TACR1: variants seen among roughly 807,000 people sequenced by gnomAD.
TACR1 encodes the protein tachykinin receptor 1.
In TACR1, 25 loss-of-function variants were observed where a neutral mutation model predicts 35.8. The ratio of observed to expected loss-of-function variants is 0.70; its 90% CI spans 0.51 to 0.98. The LOEUF (loss-of-function observed/expected upper bound fraction) is 0.98, where lower values mean the gene tolerates loss of function less well. TACR1 is among the 50% of genes least tolerant of loss of function. TACR1 has a pLI of 0.00. For synonymous variants in TACR1, 195 were observed against 206.7 expected (o/e 0.94, Z 0.48); for missense variants, 478 against 522.9 (o/e 0.91, Z 0.84).
At chr2:75,190,146 T>C (rs1675807526) in intron 1 of TACR1, among the ~76,000 whole-genome samples, 1 of 152,212 alleles carries the variant, frequency 6.6e-6, no homozygotes, top group Non-Finnish European at 1.5e-5. Flanking sequence ...TTCAACAAAT[T>C]GAATATCAAT....
intron 2 of TACR1, among the ~76,000 whole-genome samples, chr2:75,099,639 G>A (rs976896501): frequency 2.6e-5 from 4 of 152,156 alleles, no homozygotes; most frequent in African/African-American, 9.7e-5. Flanking sequence ...GGTTTGCGCG[G>A]CCAGGTTGAC....
intron 1 of TACR1, among the ~76,000 whole-genome samples, chr2:75,127,956 T>C (rs1674106774): frequency 6.6e-6 from 1 of 152,224 alleles, no homozygotes; most frequent in African/African-American, 2.4e-5. Context: ...TCCTGTTAGC[T>C]GTCCTCCCTT....
intron 2 of TACR1, among the ~76,000 whole-genome samples, chr2:75,113,909 A>G (rs1006278790): frequency 1.3e-5 from 2 of 152,138 alleles, no homozygotes; most frequent in Non-Finnish European, 2.9e-5. Context: ...ATATTTTTAA[A>G]TATTCCTCTC....
At chr2:75,141,378 T>C (rs1674398666) in intron 1 of TACR1, among the ~76,000 whole-genome samples, 1 of 152,136 alleles carries the variant, frequency 6.6e-6, no homozygotes, top group South Asian at 2.1e-4. Context: ...ATGAAACCGC[T>C]TTACAACACT....
At chr2:75,084,878 G>C (rs1161535351) in intron 2 of TACR1, among the ~76,000 whole-genome samples, 1 of 151,968 alleles carries the variant, frequency 6.6e-6, no homozygotes, top group Non-Finnish European at 1.5e-5. Context: ...CAGAAAATTA[G>C]CTCCTGGATT....
chr2:75,180,799 T>A (rs1675542784), intron 1 of TACR1, among the ~76,000 whole-genome samples: 2 of 152,228 alleles, frequency 1.3e-5, no homozygotes, highest in African/African-American at 4.8e-5. Flanking sequence ...TAAATAATAG[T>A]TCATTGTATA....
intron 2 of TACR1, among the ~76,000 whole-genome samples, chr2:75,104,630 T>A (rs186957738): frequency 6.6e-6 from 1 of 152,178 alleles, no homozygotes; most frequent in East Asian, 1.9e-4. Flanking sequence ...ACAGATAACA[T>A]GTTAGGATGT....
intron 1 of TACR1, among the ~76,000 whole-genome samples, chr2:75,150,029 T>G (rs1052422951): frequency 8.5e-5 from 13 of 152,234 alleles, no homozygotes; most frequent in African/African-American, 3.1e-4. Context: ...TCCGTTTATG[T>G]GATGGATTAT....
intron 1 of TACR1, among the ~76,000 whole-genome samples, chr2:75,158,156 A>G (rs1674909828): frequency 6.6e-6 from 1 of 152,242 alleles, no homozygotes; most frequent in Admixed American, 6.5e-5. Flanking sequence ...AACACTTTTT[A>G]CTATCTTTGG....
intron 2 of TACR1, among the ~76,000 whole-genome samples, chr2:75,067,155 A>G (rs1487412127): frequency 3.9e-5 from 6 of 152,094 alleles, no homozygotes; most frequent in African/African-American, 9.7e-5. Context: ...TTTGATAGGT[A>G]TTGTGGTGGA....
At chr2:75,168,687 A>C (rs1400855664) in intron 1 of TACR1, among the ~76,000 whole-genome samples, 1 of 152,234 alleles carries the variant, frequency 6.6e-6, no homozygotes, top group Non-Finnish European at 1.5e-5. Context: ...CATTAAATTT[A>C]TGGTAATTTG....
At chr2:75,124,038 T>G (rs1204224957) in intron 1 of TACR1, among the ~76,000 whole-genome samples, 2 of 152,200 alleles carry the variant, frequency 1.3e-5, no homozygotes, top group African/African-American at 4.8e-5. Flanking sequence ...TGAAACGTCT[T>G]TCTGGTGTAA....
chr2:75,173,758 A>G (rs1379963093), intron 1 of TACR1, among the ~76,000 whole-genome samples: 1 of 152,230 alleles, frequency 6.6e-6, no homozygotes, highest in African/African-American at 2.4e-5. Context: ...TATATTCATC[A>G]TACTTTTCCC....
intron 2 of TACR1, among the ~76,000 whole-genome samples, chr2:75,087,789 A>T (rs982300664): frequency 3.3e-5 from 5 of 152,162 alleles, no homozygotes; most frequent in African/African-American, 9.7e-5. Flanking sequence ...CCCTTGGAAA[A>T]TTTGAAATGT....
chr2:75,051,076 A>G, intron 4 of TACR1, 175 bp downstream of exon 4: 3 of 771,206 alleles, frequency 3.9e-6, no homozygotes, highest in Non-Finnish European at 6.3e-6. Context: ...CCGGGCTCCC[A>G]TTCCTGGATG....
At chr2:75,066,030 A>G (rs11688000) in intron 2 of TACR1, among the ~76,000 whole-genome samples, 52,242 of 152,076 alleles carry the variant, frequency 0.34, 9,506 homozygotes, top group Admixed American at 0.46. Context: ...TACAGCCACT[A>G]CTAACAACTG....
Position 75,049,302 on chromosome 2 carries a change from C to G in TACR1, c.*130G>C, listed in dbSNP as rs881. On this transcript the variant is annotated 3_prime_UTR_variant, in exon 5 of 5. Transcript: ENST00000305249. ...CTCAAGGATGGAATGTTTTCCCTAACCCATACTGACCCTTTTTGCAAGTCC... is the reference window on the plus strand; with the variant it reads ...CTCAAGGATGGAATGTTTTCCCTAAGCCATACTGACCCTTTTTGCAAGTCC... The G allele has an allele frequency of 0.18, 185,598 of 1,016,610 alleles. 18,187 individuals are homozygous for G. Among genetic ancestry groups the G allele is most frequent in the South Asian group, 0.34 (20,656 of 60,562 alleles). The allele number at this position is 1,016,610 out of a possible 1,614,324, so 63.0% of individuals were successfully genotyped here.
intron 2 of TACR1, among the ~76,000 whole-genome samples, chr2:75,107,599 A>G (rs1673673521): frequency 6.6e-6 from 1 of 151,998 alleles, no homozygotes. Flanking sequence ...CTTGAAATAC[A>G]TTGGACTTAA....
At chr2:75,069,871 C>G (rs1245745309) in intron 2 of TACR1, among the ~76,000 whole-genome samples, 1 of 152,130 alleles carries the variant, frequency 6.6e-6, no homozygotes, top group African/African-American at 2.4e-5. Context: ...GCTGAGACAG[C>G]ATTGTCAGGT....
Sources: allele counts gnomAD v4.1 joint callset (sites outside exome capture counted in the v4.1 genomes callset), GRCh38; gene constraint gnomAD v4.1.1; transcripts MANE v1.5; gene names NCBI Gene and HGNC (gene_info 2026-07-23, HGNC 2026-07-21).